The following ART3 variants were observed in gnomAD, a reference collection of about 807,000 sequenced individuals.
The protein encoded by ART3 is ADP-ribosyltransferase 3 (inactive), also known as ecto-ADP-ribosyltransferase 3.
Under a neutral mutation model 48.5 loss-of-function variants are expected in ART3, and 49 were observed. The observed-to-expected ratio is 1.01, with a 90% confidence interval of 0.80 to 1.28. The LOEUF is 1.28. ART3 is among the 50% of genes most tolerant of loss of function. The probability of loss-of-function intolerance (pLI) is 0.00; values close to 1 mark genes in which losing one functional copy is unlikely to be tolerated. For missense variants in ART3, 438 were observed against 454.3 expected, an observed-to-expected ratio of 0.96 and a Z score of 0.33; for synonymous variants, 145 against 157.2, an observed-to-expected ratio of 0.92 and a Z score of 0.58.
intron 1 of ART3, among the ~76,000 whole-genome samples, chr4:76,058,395 CT>C (rs1718886093): frequency 6.6e-6 from 1 of 152,126 alleles, no homozygotes; most frequent in Non-Finnish European, 1.5e-5. Context: ...AGAGACTGAG[CT>C]TCCTTAAATT....
intron 9 of ART3, 113 bp downstream of exon 9, chr4:76,104,082 C>A: frequency 8.4e-7 from 1 of 1,184,010 alleles, no homozygotes; most frequent in Non-Finnish European, 1.2e-6. Flanking sequence ...TCCCTTATAG[C>A]TACCTGCCAG....
intron 11 of ART3, among the ~76,000 whole-genome samples, chr4:76,108,088 A>G (rs952264093): frequency 2.0e-4 from 30 of 151,428 alleles, no homozygotes; most frequent in Non-Finnish European, 2.9e-5. Context: ...AAGAAAATAT[A>G]TATTAAAAAA....
chr4:76,112,776 T>C lies in ART3; in HGVS notation c.*257T>C. 2 of 330,274 alleles carry C rather than the reference T, an allele frequency of 6.1e-6. No individual in the cohort carries two copies. Among genetic ancestry groups the C allele is most frequent in the South Asian group, 1.3e-4 (2 of 15,382 alleles). 20.5% of individuals were successfully genotyped at this position (330,274 alleles called of 1,614,324 possible). A position where few individuals can be genotyped will look rare whatever the true frequency, so the allele number is the denominator to read the frequency against. ...ACTTCTGATTAAATTCAATAAAAGA[T>C]TTTGATTAGATATTTCAGAATTGCC... On this transcript the variant is annotated 3_prime_UTR_variant, in exon 12 of 12. Transcript: ENST00000355810.
At chr4:76,049,773 C>A (rs1409278494) in intron 1 of ART3, among the ~76,000 whole-genome samples, 18 of 152,034 alleles carry the variant, frequency 1.2e-4, no homozygotes, top group Non-Finnish European at 1.5e-5. Flanking sequence ...AGGCGAAAGT[C>A]CCTTCGTGGT....
intron 4 of ART3, among the ~76,000 whole-genome samples, chr4:76,098,192 G>A (rs762622364): frequency 4.1e-4 from 53 of 130,710 alleles, no homozygotes; most frequent in Non-Finnish European, 8.0e-4. Context: ...AAAATAAGAG[G>A]ATGTGACCAA....
At chr4:76,076,561 T>C (rs1721126048) in intron 2 of ART3, among the ~76,000 whole-genome samples, 1 of 152,224 alleles carries the variant, frequency 6.6e-6, no homozygotes. Context: ...TTTCTATGTG[T>C]ATACTGTTTT....
At chr4:76,070,838 A>G (rs539000578), upstream of ART3, among the ~76,000 whole-genome samples, 48 of 152,032 alleles carry the variant, frequency 3.2e-4, no homozygotes, top group Non-Finnish European at 5.0e-4. Context: ...ACTTCTTTCC[A>G]GCATCTGCCA....
At chr4:76,043,440 G>C (rs534170898) in intron 1 of ART3, among the ~76,000 whole-genome samples, 29 of 152,228 alleles carry the variant, frequency 1.9e-4, no homozygotes, top group African/African-American at 6.0e-4. Flanking sequence ...GCCCTGCCCT[G>C]TAGGAAGGCA....
At chr4:76,046,971 G>A (rs532642777) in intron 1 of ART3, among the ~76,000 whole-genome samples, 2,277 of 97,032 alleles carry the variant, frequency 0.023, 58 homozygotes, top group African/African-American at 0.08. Flanking sequence ...AAACATACCC[G>A]GGGCTCAGTG....
intron 5 of ART3, chr4:76,099,422 GA>G (rs60241129): frequency 5.7e-6 from 1 of 175,962 alleles, no homozygotes; most frequent in African/African-American, 2.4e-5. Context: ...TATATGAGAG[GA>G]AAAAAATAAA....
At chr4:76,068,031 A>G (rs777177890) in intron 1 of ART3, among the ~76,000 whole-genome samples, 2 of 152,154 alleles carry the variant, frequency 1.3e-5, no homozygotes, top group Non-Finnish European at 2.9e-5. Flanking sequence ...CTCATCATTC[A>G]TGGGCCATTG....
chr4:76,086,315 G>C (rs999153991), intron 3 of ART3, among the ~76,000 whole-genome samples: 4 of 152,142 alleles, frequency 2.6e-5, no homozygotes, highest in African/African-American at 7.2e-5. Context: ...GAGAGATTCT[G>C]CCATTTGCCA....
intron 3 of ART3, among the ~76,000 whole-genome samples, chr4:76,084,223 G>T (rs1186406555): frequency 6.6e-6 from 1 of 152,054 alleles, no homozygotes; most frequent in Non-Finnish European, 1.5e-5. Context: ...CTGAGATATT[G>T]CTTCTTCCCT....
intron 1 of ART3, among the ~76,000 whole-genome samples, chr4:76,026,671 C>T (rs1733415735): frequency 6.9e-6 from 1 of 145,766 alleles, no homozygotes. Context: ...AGAGTGGTAC[C>T]CCTAAAAGCT....
At position 76,081,833 on chromosome 4, in the gene ART3, G is replaced by A; in HGVS notation, c.79G>A (p.Glu27Lys). Residue 27 changes from glutamate (E) to lysine (K), a missense_variant, in exon 3 of 12, where the codon GAA (glutamate) becomes AAA (lysine). Around this residue, in one of 3 missense-constraint regions of ART3, gnomAD observed 206 missense variants for 205.3 expected, o/e 1.00. Coordinates refer to ENST00000355810, the MANE Select transcript of ART3 (RefSeq NM_001130016.3). ...ILVDIFQVKAEVLDMADNAFD... is the reference protein window; with the variant it reads ...ILVDIFQVKAKVLDMADNAFD... ...TCTTTTTCCTTTGAAGGTGAAGGCT[G>A]AAGTGTTAGACATGGCAGATAATGC... 6.2e-7 allele frequency: 1 copy of A among 1,610,540 alleles called. No homozygotes were observed. Among genetic ancestry groups the A allele is most frequent in the Non-Finnish European group, 8.5e-7 (1 of 1,177,634 alleles).
chr4:76,019,930 C>T (rs1732627069), intron 1 of ART3, among the ~76,000 whole-genome samples: 1 of 151,976 alleles, frequency 6.6e-6, no homozygotes, highest in Admixed American at 6.6e-5. Context: ...TTCCTCATTG[C>T]CTTGCATCCT....
chr4:76,040,921 A>G (rs1402411365), intron 1 of ART3, among the ~76,000 whole-genome samples: 4 of 152,172 alleles, frequency 2.6e-5, no homozygotes, highest in Admixed American at 2.6e-4. Context: ...CTCTCCTTCT[A>G]TAACACTCTC....
At chr4:76,089,829 C>A (rs1287572669) in intron 3 of ART3, among the ~76,000 whole-genome samples, 1 of 152,096 alleles carries the variant, frequency 6.6e-6, no homozygotes, top group Non-Finnish European at 1.5e-5. Flanking sequence ...CGTCTGTAAT[C>A]CCAGCACTTT....
At chr4:76,034,469 A>G in intron 1 of ART3, 1 of 514,870 alleles carries the variant, frequency 1.9e-6, no homozygotes, top group Non-Finnish European at 3.4e-6. Context: ...ATAATGCAAC[A>G]AGTAAGAACG....
Sources: gnomAD v4.1 joint callset for allele counts (sites outside exome capture counted in the v4.1 genomes callset) on GRCh38, gnomAD v4.1.1 for gene constraint, gnomAD v4.1.1 regional missense constraint, MANE v1.5 for transcripts, NCBI Gene and HGNC (gene_info 2026-07-23, HGNC 2026-07-21) for gene names.